The following RAD23B variants were observed in gnomAD, a reference collection of about 807,000 sequenced individuals.
RAD23B encodes lysine-specific demethylase RAD23B.
A neutral mutation model predicts 49.1 loss-of-function variants in RAD23B; 5 were observed. That is an observed-to-expected ratio of 0.10 (90% CI 0.05 to 0.21). RAD23B has a LOEUF of 0.21. Ranked by LOEUF, RAD23B falls within the 10% of genes least tolerant of loss-of-function variation. The pLI, the probability that RAD23B is intolerant of heterozygous loss-of-function variation, is 1.00. For missense variants in RAD23B, 356 were observed against 486.7 expected, an observed-to-expected ratio of 0.73 and a Z score of 2.53; for synonymous variants, 184 against 165.4, an observed-to-expected ratio of 1.11 and a Z score of -0.86.
At chr9:107,304,012 T>C (rs1826710802) in intron 3 of RAD23B, among the ~76,000 whole-genome samples, 1 of 152,178 alleles carries the variant, frequency 6.6e-6, no homozygotes. Flanking sequence ...TCTAATGATA[T>C]TTATGATTGT....
In RAD23B at chr9:107,287,069, C is replaced by T. The variant is rs553653580; in HGVS notation, c.66+3374C>T. Among the ~76,000 whole-genome samples the T allele has an allele frequency of 9.5e-3, 1,297 of 136,840 alleles. 11 individuals carry two copies. Among genetic ancestry groups the T allele is most frequent in the African/African-American group, 0.034 (1,185 of 35,164 alleles). 89.8% of individuals were successfully genotyped at this position (136,840 alleles called of 152,430 possible). On this transcript the variant is annotated intron_variant, in intron 1 of 9. Coordinates refer to ENST00000358015, the MANE Select transcript of RAD23B (RefSeq NM_002874.5). Reference sequence around the variant, plus strand: ...CAGCCTGGGCGACAAAGCGAGACTCCGTCTCAAAAAAAAAAAAAAAAAATT... The same window carrying T: ...CAGCCTGGGCGACAAAGCGAGACTCTGTCTCAAAAAAAAAAAAAAAAAATT...
intron 3 of RAD23B, among the ~76,000 whole-genome samples, chr9:107,305,015 G>T (rs1196725697): frequency 6.6e-6 from 1 of 152,200 alleles, no homozygotes; most frequent in Non-Finnish European, 1.5e-5. Flanking sequence ...ATGGCCAGGT[G>T]TGGTGGCTGA....
intron 4 of RAD23B, among the ~76,000 whole-genome samples, chr9:107,308,510 T>C (rs1353809428): frequency 2.6e-5 from 4 of 152,198 alleles, no homozygotes; most frequent in Non-Finnish European, 5.9e-5. Flanking sequence ...TGAGCCACCA[T>C]GCCCAGCCCA....
intron 6 of RAD23B, among the ~76,000 whole-genome samples, chr9:107,319,136 T>A (rs55861606): frequency 1.5e-5 from 2 of 135,310 alleles, no homozygotes; most frequent in Non-Finnish European, 3.1e-5. Flanking sequence ...TTCTTTTTTT[T>A]TTTTTTTTTT....
chr9:107,306,758 G>A, intron 4 of RAD23B, 111 bp downstream of exon 4: 1 of 1,236,024 alleles, frequency 8.1e-7, no homozygotes, highest in Non-Finnish European at 1.1e-6. Flanking sequence ...ATTACGTTAA[G>A]CTTTTTTTAA....
chr9:107,295,580 C>T (rs946265432), intron 1 of RAD23B, among the ~76,000 whole-genome samples: 1 of 152,078 alleles, frequency 6.6e-6, no homozygotes, highest in African/African-American at 2.4e-5. Flanking sequence ...TGGTCACCTG[C>T]AGACAGTACG....
intron 4 of RAD23B, among the ~76,000 whole-genome samples, chr9:107,308,902 G>A (rs4978844): frequency 0.67 from 102,080 of 152,038 alleles, 34,355 homozygotes; most frequent in East Asian, 0.77. Flanking sequence ...TGACTTTGTG[G>A]GAAGTCTGTT....
At chr9:107,288,802 T>C (rs923932242) in intron 1 of RAD23B, among the ~76,000 whole-genome samples, 26 of 152,142 alleles carry the variant, frequency 1.7e-4, no homozygotes, top group African/African-American at 5.6e-4. Flanking sequence ...ATGTTTTCTA[T>C]AGGGAACTGC....
intron 5 of RAD23B, among the ~76,000 whole-genome samples, chr9:107,317,537 T>A (rs750243207): frequency 6.6e-6 from 1 of 151,888 alleles, no homozygotes; most frequent in Non-Finnish European, 1.5e-5. Flanking sequence ...AAAGAGGAAT[T>A]AGGATGAAGT....
At chr9:107,328,062 C>T (rs1322496009) in intron 9 of RAD23B, among the ~76,000 whole-genome samples, 1 of 152,096 alleles carries the variant, frequency 6.6e-6, no homozygotes, top group Non-Finnish European at 1.5e-5. Flanking sequence ...TTTCAACCTA[C>T]TTGTGTCTTT....
chr9:107,321,971 A>G lies in RAD23B; in HGVS notation c.682-12A>G. The G allele has an allele frequency of 6.3e-7, 1 of 1,591,776 alleles. No homozygotes were observed. Among genetic ancestry groups the G allele is most frequent in the Non-Finnish European group, 8.5e-7 (1 of 1,171,488 alleles). On this transcript the variant is annotated splice_polypyrimidine_tract_variant and intron_variant, in intron 6 of 9. Coordinates refer to ENST00000358015, the MANE Select transcript of RAD23B (RefSeq NM_002874.5). ...TGATGGGATATCTTAAAGCTTGGAA[A>G]TTCTATTACAGGGAATCCCTGGAGA... is the stretch of plus-strand genomic sequence containing the variant.
chr9:107,294,494 A>C (rs1473988952), intron 1 of RAD23B, among the ~76,000 whole-genome samples: 2 of 152,170 alleles, frequency 1.3e-5, no homozygotes, highest in East Asian at 3.8e-4. Flanking sequence ...AGGAGTCATA[A>C]TTGCATCTGT....
chr9:107,293,406 G>T, intron 1 of RAD23B, among the ~76,000 whole-genome samples: 1 of 152,168 alleles, frequency 6.6e-6, no homozygotes, highest in East Asian at 1.9e-4. Flanking sequence ...CAGATTAAAA[G>T]AGTTAATTAT....
intron 1 of RAD23B, among the ~76,000 whole-genome samples, chr9:107,297,304 T>G (rs4278207): frequency 0.8 from 122,094 of 152,014 alleles, 49,596 homozygotes; most frequent in African/African-American, 0.93. Flanking sequence ...TATCTTGTGT[T>G]GAGCTCCCAT....
intron 1 of RAD23B, among the ~76,000 whole-genome samples, chr9:107,298,474 A>AT (rs35923233): frequency 0.34 from 17,746 of 52,316 alleles, 4,244 homozygotes; most frequent in East Asian, 0.41. Flanking sequence ...TGCTTGGCTA[A>AT]TTTTTTTTTT....
intron 1 of RAD23B, among the ~76,000 whole-genome samples, chr9:107,290,129 C>G (rs1833351081): frequency 6.6e-6 from 1 of 152,144 alleles, no homozygotes; most frequent in African/African-American, 2.4e-5. Context: ...CTTGATGACC[C>G]TAGTCTTTAT....
intron 4 of RAD23B, 106 bp downstream of exon 4, chr9:107,306,753 G>A (rs1293749982): frequency 1.6e-6 from 2 of 1,268,998 alleles, no homozygotes; most frequent in South Asian, 1.5e-5. Context: ...TATCTATTAC[G>A]TTAAGCTTTT....
intron 1 of RAD23B, among the ~76,000 whole-genome samples, chr9:107,299,535 CTTGT>C (rs1316399277): frequency 2.0e-5 from 3 of 152,180 alleles, no homozygotes; most frequent in Non-Finnish European, 4.4e-5. Context: ...AGCTAAGCTG[CTTGT>C]TTAAGAGCAT....
chr9:107,291,415 A>G (rs996671265), intron 1 of RAD23B, among the ~76,000 whole-genome samples: 37 of 152,226 alleles, frequency 2.4e-4, no homozygotes, highest in Non-Finnish European at 2.9e-5. Flanking sequence ...TGGATTTCAA[A>G]TCATATATTT....
Sources: gnomAD v4.1 joint callset for allele counts (sites outside exome capture counted in the v4.1 genomes callset) on GRCh38, gnomAD v4.1.1 for gene constraint, MANE v1.5 for transcripts, NCBI Gene and HGNC (gene_info 2026-07-23, HGNC 2026-07-21) for gene names.